The following RAB3C variants were observed in gnomAD, a reference collection of about 807,000 sequenced individuals.
RAB3C encodes RAB3C, member RAS oncogene family.
RAB3C carries 17 observed loss-of-function variants against 26.4 expected under a neutral mutation model. The observed-to-expected ratio is 0.64, with a 90% CI of 0.44 to 0.97. The LOEUF is 0.97. Ranked by LOEUF, RAB3C falls within the 50% of genes least tolerant of loss-of-function variation. RAB3C has a pLI of 0.00. For synonymous variants in RAB3C, 91 were observed against 95.9 expected, an observed-to-expected ratio of 0.95 and a Z score of 0.30; for missense variants, 242 against 281.9, an observed-to-expected ratio of 0.86 and a Z score of 1.01.
chr5:58,817,347 G>A (rs1439003003), intron 3 of RAB3C, among the ~76,000 whole-genome samples: 1 of 152,058 alleles, frequency 6.6e-6, no homozygotes, highest in African/African-American at 2.4e-5. Context: ...AAATATTGAA[G>A]AGCATTTTTA....
intron 3 of RAB3C, among the ~76,000 whole-genome samples, chr5:58,812,427 G>A (rs766508951): frequency 4.6e-5 from 7 of 152,192 alleles, no homozygotes; most frequent in Non-Finnish European, 7.3e-5. Flanking sequence ...GTAGGTTTTA[G>A]CAAACTTTCC....
At chr5:58,597,762 T>G (rs1746355058) in intron 1 of RAB3C, among the ~76,000 whole-genome samples, 3 of 112,408 alleles carry the variant, frequency 2.7e-5, no homozygotes, top group Non-Finnish European at 5.0e-5. Context: ...TATATAAGTA[T>G]ATAACATATA....
chr5:58,666,074 G>GA (rs1444210285), intron 2 of RAB3C, among the ~76,000 whole-genome samples: 1 of 152,162 alleles, frequency 6.6e-6, no homozygotes, highest in African/African-American at 2.4e-5. Flanking sequence ...GTGAATAGAT[G>GA]ATGGGCTGTA....
intron 3 of RAB3C, among the ~76,000 whole-genome samples, chr5:58,824,726 C>T (rs1431328114): frequency 3.9e-5 from 6 of 152,186 alleles, no homozygotes; most frequent in East Asian, 3.9e-4. Context: ...GGTTGGCTAT[C>T]CTACTGTAAA....
intron 2 of RAB3C, among the ~76,000 whole-genome samples, chr5:58,634,859 A>G (rs1747255972): frequency 1.3e-5 from 2 of 152,178 alleles, no homozygotes; most frequent in South Asian, 4.1e-4. Flanking sequence ...GTAACAATAT[A>G]TTGGAGGTTG....
intron 4 of RAB3C, among the ~76,000 whole-genome samples, chr5:58,841,876 T>C (rs1051423605): frequency 6.6e-6 from 1 of 152,180 alleles, no homozygotes; most frequent in Admixed American, 6.5e-5. Flanking sequence ...CATTCTCCCT[T>C]TGACAAATCG....
chr5:58,582,754 A>G (rs1431335054), upstream of RAB3C, among the ~76,000 whole-genome samples: 2 of 152,156 alleles, frequency 1.3e-5, no homozygotes, highest in African/African-American at 4.8e-5. Flanking sequence ...GAAAATCACC[A>G]TCTACTTCCG....
intron 3 of RAB3C, among the ~76,000 whole-genome samples, chr5:58,735,750 G>A (rs1362475837): frequency 2.0e-5 from 3 of 152,120 alleles, no homozygotes; most frequent in Admixed American, 6.5e-5. Context: ...TGGGAAGCCC[G>A]GTGGGCCCCT....
At chr5:58,609,885 C>CCTGGG (rs1195585556) in intron 1 of RAB3C, among the ~76,000 whole-genome samples, 1 of 152,106 alleles carries the variant, frequency 6.6e-6, no homozygotes, top group Non-Finnish European at 1.5e-5. Context: ...CTTCTTGTTC[C>CCTGGG]CTGGGCAGCC....
rs141461605 is a variant in RAB3C, at chr5:58,825,449, C to T, written c.496+287C>T. On this transcript the variant is annotated intron_variant, in intron 4 of 4. Coordinates refer to ENST00000282878, the MANE Select transcript of RAB3C (RefSeq NM_138453.4). ...TGAGAAACACAGGTTATGCCTTGTC[C>T]GTTATTTTTGGTTTTTTTCCCCCAT... is the stretch of plus-strand genomic sequence containing the variant. Among the ~76,000 whole-genome samples, 928 of 152,192 alleles carry T rather than the reference C, an allele frequency of 6.1e-3. 12 individuals are homozygous for T. Among genetic ancestry groups the T allele is most frequent in the African/African-American group, 0.021 (884 of 41,510 alleles).
chr5:58,777,521 A>G (rs1016010855), intron 3 of RAB3C, among the ~76,000 whole-genome samples: 5 of 152,012 alleles, frequency 3.3e-5, no homozygotes, highest in African/African-American at 1.2e-4. Flanking sequence ...ACATCTTGGC[A>G]CATTTAGTTA....
intron 2 of RAB3C, among the ~76,000 whole-genome samples, chr5:58,718,289 C>T (rs957738735): frequency 6.6e-6 from 1 of 152,042 alleles, no homozygotes; most frequent in South Asian, 2.1e-4. Context: ...TATATACTTT[C>T]GGCTGTAAAT....
At chr5:58,597,764 TAACATATAATACATTATATATAA>T (rs1746355549) in intron 1 of RAB3C, among the ~76,000 whole-genome samples, 2 of 114,614 alleles carry the variant, frequency 1.7e-5, no homozygotes, top group African/African-American at 3.8e-5. Flanking sequence ...TATAAGTATA[TAACATATAATACATTATATATAA>T]GTATATAACA....
intron 1 of RAB3C, among the ~76,000 whole-genome samples, chr5:58,587,440 G>A (rs978366297): frequency 6.6e-6 from 1 of 152,092 alleles, no homozygotes; most frequent in Non-Finnish European, 1.5e-5. Context: ...TGGCTCAGAG[G>A]TTCTGTGGGA....
chr5:58,777,380 C>T (rs757855128), intron 3 of RAB3C, among the ~76,000 whole-genome samples: 10 of 152,236 alleles, frequency 6.6e-5, no homozygotes, highest in Admixed American at 1.3e-4. Flanking sequence ...TGTTCTAGAA[C>T]GCCTAGTCCT....
rs192522792 is a variant in RAB3C at position 58,740,559 on chromosome 5, C to T, written c.371+14439C>T. 4.6e-5 allele frequency among the ~76,000 whole-genome samples: 7 copies of T among 152,282 alleles called. 1 individual carries two copies. The South Asian group carries it at 6.2e-4, about 14-fold the overall frequency. On this transcript the variant is annotated intron_variant, in intron 3 of 4. Transcript: ENST00000282878. ...TATCTTGGCCAGGCGTGGTGGCTCA[C>T]GCCTGTAATCCCAGCACTTTGGGAG...
At chr5:58,718,704 C>T (rs1749224692) in intron 2 of RAB3C, among the ~76,000 whole-genome samples, 1 of 152,004 alleles carries the variant, frequency 6.6e-6, no homozygotes. Context: ...GATTGGAGAA[C>T]TATTTAGAGG....
intron 1 of RAB3C, among the ~76,000 whole-genome samples, chr5:58,585,022 A>G (rs1293874703): frequency 2.0e-5 from 3 of 152,094 alleles, no homozygotes; most frequent in African/African-American, 7.2e-5. Flanking sequence ...GTAAAATGAA[A>G]TTAATTTGCT....
At chr5:58,617,933 G>C in intron 2 of RAB3C, 63 bp downstream of exon 2, 1 of 1,049,540 alleles carries the variant, frequency 9.5e-7, no homozygotes, top group Non-Finnish European at 1.4e-6. Context: ...CATTTGTAAG[G>C]GAGAAACTTT....
Sources: gnomAD v4.1 joint callset for allele counts (sites outside exome capture counted in the v4.1 genomes callset) on GRCh38, gnomAD v4.1.1 for gene constraint, MANE v1.5 for transcripts, NCBI Gene and HGNC (gene_info 2026-07-23, HGNC 2026-07-21) for gene names.